The following BET1 variants were observed in gnomAD, a reference collection of about 807,000 sequenced individuals.
The protein encoded by BET1 is Bet1 golgi vesicular membrane trafficking protein.
A neutral mutation model predicts 13.9 loss-of-function variants in BET1; 9 were observed. The ratio of observed to expected loss-of-function variants is 0.65; its 90% CI spans 0.39 to 1.13. The LOEUF (loss-of-function observed/expected upper bound fraction) is 1.13. BET1 is among the 50% of genes most tolerant of loss of function. The pLI, the probability that BET1 is intolerant of heterozygous loss-of-function variation, is 0.01. For synonymous variants in BET1, 39 were observed against 47.3 expected, an observed-to-expected ratio of 0.82 and a Z score of 0.72; for missense variants, 127 against 133.6, an observed-to-expected ratio of 0.95 and a Z score of 0.24.
intron 4 of BET1, among the ~76,000 whole-genome samples, chr7:93,976,515 C>T (rs748303150): frequency 4.6e-5 from 7 of 152,144 alleles, no homozygotes; most frequent in South Asian, 2.1e-4. Context: ...CAAGCTTGAA[C>T]GCCGGCAGGA....
At chr7:94,000,858 T>G (rs1268766090) in intron 1 of BET1, among the ~76,000 whole-genome samples, 1 of 152,182 alleles carries the variant, frequency 6.6e-6, no homozygotes, top group African/African-American at 2.4e-5. Context: ...CAGAGCCTGC[T>G]GCACACAGTT....
chr7:93,969,593 T>A (rs1795227530), intron 6 of BET1: 1 of 149,634 alleles, frequency 6.7e-6, no homozygotes, highest in Non-Finnish European at 1.5e-5. Flanking sequence ...ATGACCTGCT[T>A]TTTTTTTTGG....
intron 5 of BET1, among the ~76,000 whole-genome samples, chr7:93,972,843 CTT>C (rs879404905): frequency 6.9e-6 from 1 of 144,646 alleles, no homozygotes; most frequent in African/African-American, 2.5e-5. Context: ...TCACTCGTAT[CTT>C]TTTTTTTTTT....
chr7:93,965,752 A>T (rs1321974651), intron 6 of BET1: 1 of 152,118 alleles, frequency 6.6e-6, no homozygotes, highest in Non-Finnish European at 1.5e-5. Context: ...AGCTTAAAAT[A>T]TATTATTGAA....
At chr7:93,977,008 T>C (rs1179903274) in intron 4 of BET1, among the ~76,000 whole-genome samples, 1 of 152,184 alleles carries the variant, frequency 6.6e-6, no homozygotes, top group Non-Finnish European at 1.5e-5. Flanking sequence ...GCCCTTATTT[T>C]GTTCCCTTTT....
chr7:93,970,009 C>T (rs1031747843), intron 6 of BET1, among the ~76,000 whole-genome samples: 2 of 151,628 alleles, frequency 1.3e-5, no homozygotes, highest in African/African-American at 4.8e-5. Context: ...TTGGTCTTCA[C>T]AGAGAGAGTA....
chr7:93,999,415 C>G, intron 1 of BET1, 121 bp from the exon 2 acceptor site: 1 of 1,227,064 alleles, frequency 8.1e-7, no homozygotes, highest in Non-Finnish European at 1.1e-6. Context: ...CTCTAATATT[C>G]ATACTCCAAA....
At position 93,999,294 on chromosome 7, in the gene BET1, C is replaced by T; in HGVS notation, c.20G>A (p.Gly7Asp). 2 of 1,607,922 alleles carry T rather than the reference C, an allele frequency of 1.2e-6. No individual in the cohort carries two copies. Among genetic ancestry groups the T allele is most frequent in the Middle Eastern group, 1.7e-4 (1 of 6,032 alleles). The change falls in exon 2 of 4, where the codon GGT becomes GAT. Residue 7 changes from glycine to aspartate, a missense_variant and splice_region_variant. Transcript: ENST00000222547. Reference protein sequence around the residue: MRRAGLGEGVPPGNYGN... With the variant: MRRAGLDEGVPPGNYGN... ...ATAGTTGCCAGGAGGTACTCCTTCACCTGCAAGGATCAGAGTCACAAAGGT... is the reference window on the plus strand; with the variant it reads ...ATAGTTGCCAGGAGGTACTCCTTCATCTGCAAGGATCAGAGTCACAAAGGT...
downstream of BET1, among the ~76,000 whole-genome samples, chr7:93,990,625 C>A (rs1302625546): frequency 6.6e-6 from 1 of 152,138 alleles, no homozygotes; most frequent in Non-Finnish European, 1.5e-5. Flanking sequence ...CAATTCTTTA[C>A]ATAATTGTAT....
intron 2 of BET1, among the ~76,000 whole-genome samples, chr7:93,997,850 T>G (rs1795805972): frequency 6.6e-6 from 1 of 152,228 alleles, no homozygotes; most frequent in Non-Finnish European, 1.5e-5. Flanking sequence ...AAACCTGCAT[T>G]CTGGTAAATT....
chr7:93,965,676 C>G (rs889686715), exon 7 of BET1: 2 of 152,056 alleles, frequency 1.3e-5, no homozygotes. Flanking sequence ...TAGGAGTTCT[C>G]TGCATTAATT....
intron 2 of BET1, among the ~76,000 whole-genome samples, chr7:93,997,676 G>A (rs768578003): frequency 9.2e-5 from 14 of 152,216 alleles, no homozygotes; most frequent in Non-Finnish European, 1.9e-4. Flanking sequence ...GGCTTCTACT[G>A]AATGCTTTAT....
At chr7:94,002,028 A>T (rs1795917114) in intron 1 of BET1, among the ~76,000 whole-genome samples, 1 of 152,212 alleles carries the variant, frequency 6.6e-6, no homozygotes, top group Non-Finnish European at 1.5e-5. Flanking sequence ...TCAAACTATG[A>T]CCCATCCCAA....
At chr7:93,990,037 T>C (rs1042152823), downstream of BET1, among the ~76,000 whole-genome samples, 1 of 152,090 alleles carries the variant, frequency 6.6e-6, no homozygotes, top group Non-Finnish European at 1.5e-5. Flanking sequence ...AATTGTCTTG[T>C]GTGTGAACAA....
At chr7:93,991,678 T>C (rs957986117), downstream of BET1, 4 of 544,802 alleles carry the variant, frequency 7.3e-6, no homozygotes, top group Non-Finnish European at 9.3e-6. Context: ...GGAGAGGTCA[T>C]CAGCCCAAAG....
At chr7:93,990,640 A>G (rs1275681606), downstream of BET1, among the ~76,000 whole-genome samples, 1 of 152,182 alleles carries the variant, frequency 6.6e-6, no homozygotes, top group African/African-American at 2.4e-5. Flanking sequence ...TTGTATAATT[A>G]TAACCCATGT....
exon 7 of BET1, chr7:93,964,592 TC>T (rs1472073401): frequency 6.6e-6 from 1 of 152,022 alleles, no homozygotes. Flanking sequence ...GCATGTAACT[TC>T]CAGAATCTTT....
intron 4 of BET1, among the ~76,000 whole-genome samples, chr7:93,980,331 A>G (rs976998436): frequency 6.6e-6 from 1 of 152,144 alleles, no homozygotes; most frequent in East Asian, 1.9e-4. Context: ...TAACAACAAC[A>G]ACAACAAACA....
At chr7:93,982,202 A>C (rs1795440560) in intron 4 of BET1, among the ~76,000 whole-genome samples, 2 of 152,122 alleles carry the variant, frequency 1.3e-5, no homozygotes, top group African/African-American at 4.8e-5. Context: ...AAATCATGGC[A>C]CACTGCTTGA....
Sources: gnomAD v4.1 joint callset for allele counts (sites outside exome capture counted in the v4.1 genomes callset) on GRCh38, gnomAD v4.1.1 for gene constraint, MANE v1.5 for transcripts, NCBI Gene and HGNC (gene_info 2026-07-23, HGNC 2026-07-21) for gene names.